Variants in UNC5D observed in about 807,000 individuals in gnomAD.
UNC5D encodes netrin receptor UNC5D.
UNC5D carries 39 observed loss-of-function variants against 105.4 expected under a neutral mutation model. That is an observed-to-expected ratio of 0.37 (90% CI 0.29 to 0.48). The LOEUF (loss-of-function observed/expected upper bound fraction) is 0.48, where lower values mean the gene tolerates loss of function less well. Ranked by LOEUF, UNC5D falls within the 20% of genes least tolerant of loss-of-function variation. The pLI is 0.98. For synonymous variants in UNC5D, 452 were observed against 450.4 expected, an observed-to-expected ratio of 1.00 and a Z score of -0.04; for missense variants, 991 against 1,202.4, an observed-to-expected ratio of 0.82 and a Z score of 2.60.
chr8:35,566,647 C>T (rs966899670), intron 2 of UNC5D, among the ~76,000 whole-genome samples: 5 of 152,162 alleles, frequency 3.3e-5, no homozygotes, highest in Admixed American at 2.0e-4. Flanking sequence ...GGACAAATGA[C>T]GTAGCCTCCT....
intron 4 of UNC5D, among the ~76,000 whole-genome samples, chr8:35,675,513 T>C (rs572083062): frequency 6.6e-6 from 1 of 152,306 alleles, no homozygotes; most frequent in South Asian, 2.1e-4. Context: ...AGGTTGCATC[T>C]ATAATATATA....
chr8:35,302,592 G>A (rs1036869054), intron 1 of UNC5D, among the ~76,000 whole-genome samples: 1 of 152,174 alleles, frequency 6.6e-6, no homozygotes, highest in African/African-American at 2.4e-5. Context: ...ACTGGATGCT[G>A]TCTGAAGGCA....
chr8:35,717,561 A>T (rs1360703038), intron 8 of UNC5D, among the ~76,000 whole-genome samples: 1 of 152,210 alleles, frequency 6.6e-6, no homozygotes, highest in African/African-American at 2.4e-5. Flanking sequence ...TTTGGCCAAA[A>T]AACTAAAATA....
intron 1 of UNC5D, among the ~76,000 whole-genome samples, chr8:35,380,096 G>T (rs1802936258): frequency 1.1e-5 from 1 of 87,542 alleles, no homozygotes; most frequent in East Asian, 4.1e-4. Context: ...GTGGGGGGGG[G>T]GTCGGGGAGA....
At chr8:35,298,683 G>A (rs1298486707) in intron 1 of UNC5D, among the ~76,000 whole-genome samples, 2 of 144,322 alleles carry the variant, frequency 1.4e-5, no homozygotes, top group African/African-American at 5.1e-5. Context: ...GTGTTCAATA[G>A]CAGTAGAGTT....
chr8:35,555,806 C>T (rs1816498049), intron 2 of UNC5D, among the ~76,000 whole-genome samples: 1 of 146,132 alleles, frequency 6.8e-6, no homozygotes, highest in Non-Finnish European at 1.5e-5. Flanking sequence ...AGCCTGCCAA[C>T]AGAGCAAGAC....
chr8:35,411,037 T>C (rs1368233905), intron 1 of UNC5D, among the ~76,000 whole-genome samples: 1 of 152,000 alleles, frequency 6.6e-6, no homozygotes, highest in Non-Finnish European at 1.5e-5. Context: ...CCTGTTGATA[T>C]TTTATTTATG....
At chr8:35,396,182 A>T (rs1804088769) in intron 1 of UNC5D, among the ~76,000 whole-genome samples, 1 of 152,072 alleles carries the variant, frequency 6.6e-6, no homozygotes, top group African/African-American at 2.4e-5. Flanking sequence ...TAGGAATTTG[A>T]TCATTGTGTC....
rs558546090 is a variant in UNC5D, at chr8:35,600,083, G to C, written c.570+4426G>C. Among the ~76,000 whole-genome samples the C allele has an allele frequency of 2.0e-3, 298 of 152,220 alleles. 1 individual carries two copies. The highest frequency in any genetic ancestry group is 7.0e-3 in the African/African-American group (290 of 41,532). ...TTTTTTGTCCTTGGGATAGTTTGCTGAGAATGATGGTTTCCAGCTTCATCC... is the reference window on the plus strand; with the variant it reads ...TTTTTTGTCCTTGGGATAGTTTGCTCAGAATGATGGTTTCCAGCTTCATCC... On this transcript the variant is annotated intron_variant, in intron 4 of 16. Transcript: ENST00000404895.
At chr8:35,663,645 G>A (rs941226383) in intron 4 of UNC5D, among the ~76,000 whole-genome samples, 1 of 152,160 alleles carries the variant, frequency 6.6e-6, no homozygotes, top group Admixed American at 6.5e-5. Flanking sequence ...AGTGGTTATG[G>A]TGTATACATG....
intron 1 of UNC5D, among the ~76,000 whole-genome samples, chr8:35,463,812 A>C (rs1260864296): frequency 6.6e-6 from 1 of 151,776 alleles, no homozygotes; most frequent in Non-Finnish European, 1.5e-5. Context: ...AAAAAATGAC[A>C]ACAATTTTGT....
chr8:35,375,801 A>C (rs1563356867), intron 1 of UNC5D, among the ~76,000 whole-genome samples: 1 of 152,204 alleles, frequency 6.6e-6, no homozygotes, highest in South Asian at 2.1e-4. Context: ...TGCATTTTTG[A>C]AACAAGGAAT....
Position 35,261,634 on chromosome 8 carries a change from G to C in UNC5D, c.103+25747G>C, listed in dbSNP as rs548269629. Among the ~76,000 whole-genome samples the C allele has an allele frequency of 3.3e-5, 5 of 151,766 alleles. No homozygotes were observed. In the East Asian group the frequency reaches 7.8e-4, roughly 24 times the overall value. On this transcript the variant is annotated intron_variant, in intron 1 of 16. Coordinates refer to ENST00000404895, the MANE Select transcript of UNC5D (RefSeq NM_080872.4). ...GCTTTGAAATGATTTGTGTGTGTAGGGGGGTGGGGGGCGTGTGTGTATTTC... is the reference window on the plus strand; with the variant it reads ...GCTTTGAAATGATTTGTGTGTGTAGCGGGGTGGGGGGCGTGTGTGTATTTC...
intron 1 of UNC5D, among the ~76,000 whole-genome samples, chr8:35,279,235 G>C (rs957623850): frequency 3.3e-5 from 5 of 152,172 alleles, no homozygotes; most frequent in Admixed American, 6.5e-5. Context: ...TTACAGAGTT[G>C]AGTTAAGGCA....
chr8:35,673,230 T>C (rs948612792), intron 4 of UNC5D, among the ~76,000 whole-genome samples: 1 of 152,136 alleles, frequency 6.6e-6, no homozygotes, highest in Non-Finnish European at 1.5e-5. Context: ...TATAAATAAC[T>C]TGAAAGAAAT....
At chr8:35,773,199 T>G (rs1802088176) in intron 15 of UNC5D, among the ~76,000 whole-genome samples, 3 of 152,198 alleles carry the variant, frequency 2.0e-5, no homozygotes, top group East Asian at 1.9e-4. Flanking sequence ...CCACCTAAAC[T>G]TCTTAGCAAC....
At chr8:35,380,256 C>T (rs959207151) in intron 1 of UNC5D, among the ~76,000 whole-genome samples, 8 of 149,750 alleles carry the variant, frequency 5.3e-5, no homozygotes, top group Admixed American at 5.3e-4. Flanking sequence ...AGACCGAGAC[C>T]TCTGGTCTCT....
In UNC5D at chr8:35,627,898, G is replaced by T. The variant is rs140466430; in HGVS notation, c.570+32241G>T. 2.0e-3 allele frequency among the ~76,000 whole-genome samples: 304 copies of T among 152,256 alleles called. 2 individuals carry two copies. Among genetic ancestry groups the T allele is most frequent in the African/African-American group, 6.7e-3 (279 of 41,558 alleles). On this transcript the variant is annotated intron_variant, in intron 4 of 16. Coordinates refer to ENST00000404895, the MANE Select transcript of UNC5D (RefSeq NM_080872.4). ...GCTGTGGTTGTGCCACTACACTACC[G>T]CCTGGGTGACAGAGCGAGACTGTCT...
intron 4 of UNC5D, among the ~76,000 whole-genome samples, chr8:35,659,407 AT>A (rs761567868): frequency 4.6e-5 from 7 of 152,228 alleles, no homozygotes; most frequent in Non-Finnish European, 8.8e-5. Context: ...TGACAAAACA[AT>A]GTGATCATGG....
Sources: allele counts gnomAD v4.1 joint callset (sites outside exome capture counted in the v4.1 genomes callset), GRCh38; gene constraint gnomAD v4.1.1; transcripts MANE v1.5; gene names NCBI Gene and HGNC (gene_info 2026-07-23, HGNC 2026-07-21).